The following SLC4A4 variants were observed in gnomAD, a reference collection of about 807,000 sequenced individuals.
SLC4A4 encodes the protein solute carrier family 4 member 4, also known as electrogenic sodium bicarbonate cotransporter 1.
Under a neutral mutation model 111.5 loss-of-function variants are expected in SLC4A4, and 27 were observed. That is an observed-to-expected ratio of 0.24 (90% CI 0.18 to 0.33). The LOEUF (loss-of-function observed/expected upper bound fraction) is 0.33. SLC4A4 is among the 10% of genes least tolerant of loss of function. The pLI is 1.00. For synonymous variants in SLC4A4, 443 were observed against 463.4 expected (o/e 0.96, Z 0.57); for missense variants, 909 against 1,315.5 (o/e 0.69, Z 4.78).
chr4:71,473,966 T>C (rs1728112350), intron 14 of SLC4A4, among the ~76,000 whole-genome samples: 1 of 151,744 alleles, frequency 6.6e-6, no homozygotes, highest in Admixed American at 6.6e-5. Flanking sequence ...TTTGAGAGGC[T>C]GAGGCAGGTG....
At chr4:71,217,734 C>G (rs1233966039) in intron 1 of SLC4A4, among the ~76,000 whole-genome samples, 2 of 152,170 alleles carry the variant, frequency 1.3e-5, no homozygotes, top group African/African-American at 2.4e-5. Context: ...GTCATCACTT[C>G]TATTTGGTAT....
At chr4:71,526,477 TG>T (rs998043805) in intron 16 of SLC4A4, among the ~76,000 whole-genome samples, 26 of 152,102 alleles carry the variant, frequency 1.7e-4, no homozygotes, top group African/African-American at 5.8e-4. Context: ...TTAACATGAG[TG>T]TTTTTAGCTA....
rs542994205 is a variant in SLC4A4 at position 71,142,130 on chromosome 4, T to C, written c.-2+49338T>C. On this transcript the variant is annotated intron_variant, in intron 2 of 26. Coordinates refer to the SLC4A4 transcript ENST00000649996. ...GTAAGAAAACTTCTGATACAAACTA[T>C]AGGTACTCACTGCTCTATAATTAGA... 9.2e-5 allele frequency among the ~76,000 whole-genome samples: 14 copies of C among 152,312 alleles called. No individual in the cohort carries two copies. In the South Asian group the frequency reaches 2.5e-3, roughly 27 times the overall value.
intron 2 of SLC4A4, among the ~76,000 whole-genome samples, chr4:71,250,191 C>A (rs149965424): frequency 3.3e-5 from 5 of 152,112 alleles, no homozygotes; most frequent in African/African-American, 1.2e-4. Flanking sequence ...TTCCTCTTGG[C>A]AATAGCTACA....
chr4:71,222,460 A>C (rs1718803357), intron 1 of SLC4A4, among the ~76,000 whole-genome samples: 1 of 152,220 alleles, frequency 6.6e-6, no homozygotes, highest in South Asian at 2.1e-4. Context: ...TGTAGTATCA[A>C]CTTTTAACAC....
At chr4:71,336,888 T>G (rs1278309129) in intron 3 of SLC4A4, among the ~76,000 whole-genome samples, 1 of 152,224 alleles carries the variant, frequency 6.6e-6, no homozygotes, top group East Asian at 1.9e-4. Flanking sequence ...TGATACAAAT[T>G]TTACTTCCAA....
chr4:71,443,838 T>C (rs550797868), intron 8 of SLC4A4, among the ~76,000 whole-genome samples: 43 of 152,314 alleles, frequency 2.8e-4, no homozygotes, highest in African/African-American at 9.9e-4. Context: ...TGATTAATTG[T>C]CAAAGCCATT....
intron 1 of SLC4A4, among the ~76,000 whole-genome samples, chr4:71,078,489 G>A (rs1741908501): frequency 1.3e-5 from 2 of 152,062 alleles, no homozygotes; most frequent in African/African-American, 2.4e-5. Flanking sequence ...GAGGAGCATG[G>A]GGCATTAGAA....
chr4:71,241,608 A>C (rs532326382), intron 2 of SLC4A4, among the ~76,000 whole-genome samples: 184 of 152,234 alleles, frequency 1.2e-3, no homozygotes, highest in Non-Finnish European at 2.1e-3. Flanking sequence ...GGGAGGGGCC[A>C]AGTTGGGACT....
chr4:71,142,187 C>T (rs528688820), intron 2 of SLC4A4, among the ~76,000 whole-genome samples: 2 of 152,322 alleles, frequency 1.3e-5, no homozygotes, highest in South Asian at 2.1e-4. Flanking sequence ...AGATATTTTG[C>T]GGTGAGCAGT....
At chr4:71,372,893 C>T (rs1732015594) in intron 6 of SLC4A4, among the ~76,000 whole-genome samples, 1 of 150,688 alleles carries the variant, frequency 6.6e-6, no homozygotes, top group Non-Finnish European at 1.5e-5. Context: ...ACTGTAGATT[C>T]TTGTTTCATC....
chr4:71,177,780 A>T (rs1745146690), intron 2 of SLC4A4, among the ~76,000 whole-genome samples: 1 of 152,196 alleles, frequency 6.6e-6, no homozygotes, highest in Non-Finnish European at 1.5e-5. Context: ...TGGGACAGAA[A>T]GTTAACAAGG....
intron 9 of SLC4A4, among the ~76,000 whole-genome samples, chr4:71,450,013 C>A (rs547003450): frequency 4.1e-4 from 62 of 152,262 alleles, no homozygotes; most frequent in African/African-American, 1.4e-3. Flanking sequence ...CAATTTTTAT[C>A]CCAGTAGTTT....
intron 7 of SLC4A4, among the ~76,000 whole-genome samples, chr4:71,438,558 A>C (rs1724379742): frequency 6.6e-6 from 1 of 152,242 alleles, no homozygotes; most frequent in South Asian, 2.1e-4. Flanking sequence ...AAAATGATGC[A>C]TTAAAAATTA....
intron 22 of SLC4A4, among the ~76,000 whole-genome samples, chr4:71,559,385 C>A (rs72854442): frequency 0.022 from 3,356 of 151,928 alleles, 129 homozygotes; most frequent in African/African-American, 0.077. Context: ...ATTCAGTTAT[C>A]TGGGTTCATC....
chr4:71,167,067 C>T (rs1172317379), intron 2 of SLC4A4, among the ~76,000 whole-genome samples: 1 of 152,116 alleles, frequency 6.6e-6, no homozygotes, highest in East Asian at 1.9e-4. Context: ...AAATGGCTTG[C>T]TTATTCTTCA....
chr4:71,451,113 C>T, intron 10 of SLC4A4, 75 bp from the exon 11 acceptor site: 2 of 967,792 alleles, frequency 2.1e-6, no homozygotes, highest in South Asian at 1.3e-5. Context: ...TCCCCATTAG[C>T]CAGAGCATGA....
intron 2 of SLC4A4, among the ~76,000 whole-genome samples, chr4:71,106,959 A>T (rs1378923197): frequency 5.9e-5 from 9 of 151,528 alleles, no homozygotes; most frequent in Non-Finnish European, 1.3e-4. Context: ...AAGAAAAAAA[A>T]GTCTGTAAAG....
intron 6 of SLC4A4, among the ~76,000 whole-genome samples, chr4:71,363,078 G>A (rs550259445): frequency 1.4e-4 from 22 of 152,150 alleles, no homozygotes; most frequent in Non-Finnish European, 2.9e-4. Context: ...CAGGTGGGAT[G>A]CCACTTCCTA....
Sources: allele counts gnomAD v4.1 joint callset (sites outside exome capture counted in the v4.1 genomes callset), GRCh38; gene constraint gnomAD v4.1.1; transcripts MANE v1.5; gene names NCBI Gene and HGNC (gene_info 2026-07-23, HGNC 2026-07-21).